TOP2A: variants seen among roughly 807,000 people sequenced by gnomAD.
The protein encoded by TOP2A is DNA topoisomerase 2-alpha.
In TOP2A, 68 loss-of-function variants were observed where a neutral mutation model predicts 187.2. The ratio of observed to expected loss-of-function variants is 0.36; its 90% CI spans 0.30 to 0.44. The LOEUF (loss-of-function observed/expected upper bound fraction) is 0.44, where lower values mean the gene tolerates loss of function less well. Ranked by LOEUF, TOP2A falls within the 20% of genes least tolerant of loss-of-function variation. TOP2A has a pLI of 1.00. For missense variants in TOP2A, 1,196 were observed against 1,808.7 expected (o/e 0.66, Z 6.14); for synonymous variants, 542 against 593.2 (o/e 0.91, Z 1.25).
rs565321893 is a variant in TOP2A at position 40,417,843 on chromosome 17, G to A, written c.-52C>T. ...ACCCTGAAAGCGACTAAACAGGCAG[G>A]ACCCCACGAGACCACCCCCGACCAA... is the stretch of plus-strand genomic sequence containing the variant. On this transcript the variant is annotated 5_prime_UTR_variant, in exon 1 of 35. Coordinates refer to ENST00000423485, the MANE Select transcript of TOP2A (RefSeq NM_001067.4). The A allele has an allele frequency of 1.9e-6, 3 of 1,608,318 alleles. No individual in the cohort carries two copies. In the Admixed American group the frequency reaches 5.1e-5, roughly 27 times the overall value.
Position 40,411,693 on chromosome 17 carries a change from T to C in TOP2A, c.915A>G (p.Glu305=), listed in dbSNP as rs1436661985. ...HRWEVCLTMS[E]KGFQQISFVN... ...CAAAGCTAATTTGCTGAAAGCCTTT[T>C]TCACTCATAGTTAAACACACTTCCC... Residue 305 remains glutamate, a synonymous_variant, in exon 8 of 35, where the codon GAA becomes GAG. Coordinates refer to ENST00000423485, the MANE Select transcript of TOP2A (RefSeq NM_001067.4). This position sits in a 1 kb window ranked among gnomAD's most constrained non-coding sequence, Gnocchi z 4.4. 5.0e-6 allele frequency: 8 copies of C among 1,612,284 alleles called. No homozygotes were observed. Among genetic ancestry groups the C allele is most frequent in the Admixed American group, 1.7e-5 (1 of 59,614 alleles).
intron 32 of TOP2A, 65 bp from the exon 33 acceptor site, chr17:40,391,705 TTGTCCCTGGTATGAATTCC>T: frequency 7.0e-7 from 1 of 1,437,864 alleles, no homozygotes; most frequent in Non-Finnish European, 9.2e-7. Context: ...ATTTTCTGCT[TTGTCCCTGGTATGAATTCC>T]TATTTAAACA....
chr17:40,397,977 C>T (rs577655187), intron 27 of TOP2A, among the ~76,000 whole-genome samples: 14 of 152,018 alleles, frequency 9.2e-5, no homozygotes, highest in African/African-American at 3.4e-4. Context: ...AGGGTTTCTC[C>T]ATGTTGGTCA....
chr17:40,393,641 C>G (rs1438024579), intron 29 of TOP2A, among the ~76,000 whole-genome samples: 1 of 152,186 alleles, frequency 6.6e-6, no homozygotes, highest in African/African-American at 2.4e-5. Context: ...GTCTTTTTAA[C>G]ATATGATACT....
At chr17:40,403,123 C>A in intron 19 of TOP2A, 69 bp from the exon 20 acceptor site, 1 of 1,396,242 alleles carries the variant, frequency 7.2e-7, no homozygotes, top group Non-Finnish European at 9.7e-7. Flanking sequence ...CTTAACCTCA[C>A]TATAATCCTG....
At chr17:40,399,583 G>T (rs1468424516) in intron 24 of TOP2A, among the ~76,000 whole-genome samples, 1 of 151,054 alleles carries the variant, frequency 6.6e-6, no homozygotes, top group Non-Finnish European at 1.5e-5. Context: ...CATGATTAGT[G>T]TATCTATTCT....
intron 6 of TOP2A, 90 bp from the exon 7 acceptor site, chr17:40,413,061 T>C: frequency 7.8e-7 from 1 of 1,286,544 alleles, no homozygotes; most frequent in Non-Finnish European, 1.1e-6. Flanking sequence ...CCTAATAACC[T>C]AATATATATG....
chr17:40,407,952 C>G lies in TOP2A; in HGVS notation c.1500+15G>C. On this transcript the variant is annotated intron_variant, in intron 12 of 34. Coordinates refer to ENST00000423485, the MANE Select transcript of TOP2A (RefSeq NM_001067.4). ...TAAATTAGATTTAGATTCTGAAGAT[C>G]GTCTTATATTCTACCTGCTTATGAG... is the stretch of plus-strand genomic sequence containing the variant. 6.3e-7 allele frequency: 1 copy of G among 1,590,764 alleles called. No individual in the cohort carries two copies. Among genetic ancestry groups the G allele is most frequent in the Non-Finnish European group, 8.6e-7 (1 of 1,168,742 alleles).
At position 40,391,506 on chromosome 17, in the gene TOP2A, T is replaced by C; in HGVS notation, c.4267A>G (p.Ser1423Gly). The C allele has an allele frequency of 1.2e-6, 2 of 1,608,474 alleles. No individual in the cohort carries two copies. The highest frequency in any genetic ancestry group is 2.2e-5 in the South Asian group (2 of 89,474). ...ACCCATCTCAAAGATTTAGGCTTAC[T>C]TTTTGCTGCTGTCTTCTTCACTGTC... Reference protein sequence around the residue: ...NVTVKKTAAKSQSSTSTTGAK... With the variant: ...NVTVKKTAAKGQSSTSTTGAK... The change falls in exon 33 of 35, where the codon AGT (serine) becomes GGT (glycine). Residue 1423 changes from serine to glycine, a missense_variant and splice_region_variant. Ser to Gly is a moderately conservative substitution (Grantham distance 56). Transcript: ENST00000423485.
At chr17:40,412,317 C>CT (rs1567790229) in intron 7 of TOP2A, among the ~76,000 whole-genome samples, 3 of 152,330 alleles carry the variant, frequency 2.0e-5, no homozygotes, top group South Asian at 2.1e-4. Flanking sequence ...ATACCATTCT[C>CT]TTTTCAAGAA....
intron 25 of TOP2A, 30 bp from the exon 26 acceptor site, chr17:40,398,967 T>C (rs373048525): frequency 3.9e-4 from 628 of 1,601,486 alleles, no homozygotes; most frequent in Non-Finnish European, 5.0e-4. Flanking sequence ...CTAGCTTTAT[T>C]AGAAAATGTG....
Position 40,404,926 on chromosome 17 carries a change from C to A in TOP2A, c.1954-43G>T, listed in dbSNP as rs11656823. The A allele has an allele frequency of 1.8e-4, 207 of 1,132,968 alleles. 1 individual carries two copies. In the South Asian group the frequency reaches 2.8e-3, roughly 15 times the overall value. 70.2% of individuals were successfully genotyped at this position (1,132,968 alleles called of 1,614,324 possible). A position where few individuals can be genotyped will look rare whatever the true frequency, so the allele number is the denominator to read the frequency against. On this transcript the variant is annotated intron_variant, in intron 16 of 34. Coordinates refer to ENST00000423485, the MANE Select transcript of TOP2A (RefSeq NM_001067.4). ...AAAAGATGTCACTGGTACTAATAGG[C>A]TAATAGGTTCCAAAATATCCTTCTA...
chr17:40,403,169 C>A, intron 19 of TOP2A, 115 bp from the exon 20 acceptor site: 1 of 1,016,838 alleles, frequency 9.8e-7, no homozygotes. Flanking sequence ...TAGTGACTTT[C>A]CTCAGATTAA....
rs1452430795 is a variant in TOP2A, at chr17:40,404,173, C to T, written c.2262G>A (p.Met754Ile). ...TTACCTCACCATGATGATAAGAAGA[C>T]ATTTCAGCCACTGATCCAGCTAATT... ...VAQLAGSVAE[M>I]SSYHHGEMSL... Residue 754 changes from methionine to isoleucine, a missense_variant, in exon 19 of 35, where the codon ATG (methionine) becomes ATA (isoleucine). Transcript: ENST00000423485. The T allele has an allele frequency of 1.2e-6, 2 of 1,613,752 alleles. No homozygotes were observed. The highest frequency in any genetic ancestry group is 2.2e-5 in the East Asian group (1 of 44,858).
chr17:40,398,469 C>T (rs2035131151), intron 27 of TOP2A, 89 bp downstream of exon 27: 1 of 1,155,454 alleles, frequency 8.7e-7, no homozygotes, highest in African/African-American at 1.6e-5. Context: ...TTTTTATTGC[C>T]AATTGTGAAC....
intron 33 of TOP2A, chr17:40,391,251 G>A: frequency 2.7e-6 from 1 of 367,352 alleles, no homozygotes; most frequent in Non-Finnish European, 4.9e-6. Flanking sequence ...GTCAAGTGCA[G>A]TAGTGAGAAG....
chr17:40,389,973 T>G lies in TOP2A; in HGVS notation c.4459A>C (p.Thr1487Pro). 1 of 1,613,066 alleles carries G rather than the reference T, an allele frequency of 6.2e-7. No homozygotes were observed. Among genetic ancestry groups the G allele is most frequent in the South Asian group, 1.1e-5 (1 of 90,834 alleles). ...CTAGGATCAACACTCACCTTGCTTG[T>G]GACTGCTTTCGAAACAATTTTCTCA... ...NFEKIVSKAV[T>P]SKKSKGESDD... The change falls in exon 34 of 35, where the codon ACA (threonine) becomes CCA (proline). Residue 1487 changes from threonine to proline, a missense_variant. Around this residue, in one of 10 missense-constraint regions of TOP2A, gnomAD observed 374 missense variants for 403.3 expected, o/e 0.93. Transcript: ENST00000423485.
At position 40,416,022 on chromosome 17, in the gene TOP2A, A is replaced by G; in HGVS notation, c.315T>C (p.Ile105=). The change falls in exon 4 of 35, where the codon ATT becomes ATC. Residue 105 remains isoleucine, a synonymous_variant. Coordinates refer to ENST00000423485, the MANE Select transcript of TOP2A (RefSeq NM_001067.4). ...AGACGTACGGATCAATTGTGACTCT[A>G]ATACAAGACATTTTTGGGTCCCTTT... ...NKQRDPKMSC[I]RVTIDPENNL... is the part of the protein sequence containing the mutation. The G allele has an allele frequency of 6.3e-7, 1 of 1,590,522 alleles. No individual in the cohort carries two copies. Among genetic ancestry groups the G allele is most frequent in the East Asian group, 2.3e-5 (1 of 44,432 alleles).
chr17:40,416,743 G>A lies in TOP2A; in HGVS notation c.174C>T (p.Thr58=). 6.2e-7 allele frequency: 1 copy of A among 1,605,000 alleles called. No individual in the cohort carries two copies. The highest frequency in any genetic ancestry group is 1.1e-5 in the South Asian group (1 of 88,210). The part of the protein sequence containing the change: ...DTYIGSVELV[T]QQMWVYDEDV... Reference sequence around the variant, plus strand: ...CCTTTGATGAGCTTGATTTTACCTGGGTCACTAATTCCACAGAACCAATGT... The same window carrying A: ...CCTTTGATGAGCTTGATTTTACCTGAGTCACTAATTCCACAGAACCAATGT... The change falls in exon 2 of 35, where the codon ACC becomes ACT. Residue 58 remains threonine, a synonymous_variant. Transcript: ENST00000423485.
Sources: allele counts gnomAD v4.1 joint callset (sites outside exome capture counted in the v4.1 genomes callset), GRCh38; gene constraint gnomAD v4.1.1; regional missense constraint gnomAD v4.1.1; non-coding constraint Gnocchi (gnomAD v3.1); transcripts MANE v1.5; gene names NCBI Gene and HGNC (gene_info 2026-07-23, HGNC 2026-07-21).